The following CDCA8 variants were observed in gnomAD, a reference collection of about 807,000 sequenced individuals.
The protein encoded by CDCA8 is cell division cycle associated 8, also known as borealin.
A neutral mutation model predicts 40.0 loss-of-function variants in CDCA8; 25 were observed. The observed-to-expected ratio is 0.63, with a 90% CI of 0.46 to 0.87. CDCA8 has a LOEUF of 0.87. Among genes scored for constraint, CDCA8 ranks in the 40% least tolerant of loss-of-function variants. CDCA8 has a pLI of 0.00. For synonymous variants in CDCA8, 111 were observed against 126.5 expected, an observed-to-expected ratio of 0.88 and a Z score of 0.82; for missense variants, 280 against 348.4, an observed-to-expected ratio of 0.80 and a Z score of 1.56.
Position 37,705,562 on chromosome 1 carries a change from G to A in CDCA8, c.706G>A (p.Gly236Arg), listed in dbSNP as rs1040939534. Reference sequence around the variant, plus strand: ...CTTCCTCACTGTGCCAGTGGGCGGCGGAGAGGTGAAGTATTTCCAAGGGAA... The same window carrying A: ...CTTCCTCACTGTGCCAGTGGGCGGCAGAGAGGTGAAGTATTTCCAAGGGAA... ...EIFLTVPVGG[G>R]ESLRLLASDL... is the part of the protein sequence containing the mutation. The change falls in exon 8 of 10, where the codon GGA becomes AGA. Residue 236 changes from glycine (G) to arginine (R), a missense_variant. Physicochemically the swap from Gly to Arg is moderately radical, Grantham distance 125. Coordinates refer to ENST00000373055, the MANE Select transcript of CDCA8 (RefSeq NM_001256875.2). 1.7e-5 allele frequency: 27 copies of A among 1,612,820 alleles called. No individual in the cohort carries two copies. The highest frequency in any genetic ancestry group is 3.3e-5 in the Admixed American group (2 of 59,984).
intron 4 of CDCA8, among the ~76,000 whole-genome samples, chr1:37,700,233 C>G (rs1440272288): frequency 2.0e-5 from 3 of 152,134 alleles, no homozygotes; most frequent in Non-Finnish European, 4.4e-5. Flanking sequence ...CTGGGCTGTC[C>G]CTACAAAGCA....
At chr1:37,701,688 AAC>A in intron 5 of CDCA8, 64 bp from the exon 6 acceptor site, 1 of 1,059,694 alleles carries the variant, frequency 9.4e-7, no homozygotes, top group Non-Finnish European at 1.4e-6. Flanking sequence ...AAAAAAAAAA[AAC>A]CCTCCTTACC....
chr1:37,696,286 T>A lies in CDCA8; in HGVS notation c.264+336T>A, dbSNP rs572989705. 2.0e-5 allele frequency among the ~76,000 whole-genome samples: 3 copies of A among 152,258 alleles called. No individual in the cohort carries two copies. The East Asian group carries it at 5.8e-4, about 29-fold the overall frequency. ...GCTAGATGATAAAGGTGTTTCATCA[T>A]GTCGTACTGTAGAAGCAGTGCTTTT... On this transcript the variant is annotated intron_variant, in intron 3 of 9. Transcript: ENST00000373055. This position sits in a 1 kb window ranked among gnomAD's most constrained non-coding sequence, Gnocchi z 5.0.
At chr1:37,705,818 T>G (rs865776983) in intron 8 of CDCA8, among the ~76,000 whole-genome samples, 1,779 of 149,196 alleles carry the variant, frequency 0.012, 45 homozygotes, top group African/African-American at 0.042. Context: ...GGGTTTTTTT[T>G]TTTTTTTTTT....
rs755241952 is a variant in CDCA8 at position 37,692,817 on chromosome 1, C to T, written c.94+33C>T. On this transcript the variant is annotated intron_variant, in intron 1 of 9. Transcript: ENST00000373055. ...GCCAGGCCGTCGCGGCCTCCTGGGG[C>T]GGTCGCGGGATGCTGGCGGGTGGGG... is the stretch of plus-strand genomic sequence containing the variant. The T allele has an allele frequency of 8.1e-6, 13 of 1,612,244 alleles. No homozygotes were observed. In the African/African-American group the frequency reaches 1.5e-4, roughly 18 times the overall value.
At chr1:37,705,377 T>G in intron 7 of CDCA8, 64 bp from the exon 8 acceptor site, 2 of 1,508,802 alleles carry the variant, frequency 1.3e-6, no homozygotes, top group Non-Finnish European at 1.8e-6. Context: ...AAGGTTAAAA[T>G]GGCCTATAGA....
rs755681052 is a variant in CDCA8, at chr1:37,708,308, C to T, written c.799-14C>T. ...TGACATCTTCTACAATGACCTCTCTCCTTTTCTTTTTAGAACCGTCTCGCC... is the reference window on the plus strand; with the variant it reads ...TGACATCTTCTACAATGACCTCTCTTCTTTTCTTTTTAGAACCGTCTCGCC... On this transcript the variant is annotated splice_polypyrimidine_tract_variant and intron_variant, in intron 9 of 9. Coordinates refer to ENST00000373055, the MANE Select transcript of CDCA8 (RefSeq NM_001256875.2). 1.9e-6 allele frequency: 3 copies of T among 1,600,152 alleles called. No individual in the cohort carries two copies. Among genetic ancestry groups the T allele is most frequent in the Non-Finnish European group, 2.6e-6 (3 of 1,175,770 alleles).
At chr1:37,699,441 C>T (rs1326186951) in intron 4 of CDCA8, among the ~76,000 whole-genome samples, 2 of 152,114 alleles carry the variant, frequency 1.3e-5, no homozygotes, top group Non-Finnish European at 2.9e-5. Flanking sequence ...TTCAAAATTA[C>T]TCAATTCAGG....
Position 37,692,546 on chromosome 1 carries a change from A to G in CDCA8, c.-145A>G. The G allele has an allele frequency of 1.5e-6, 1 of 665,156 alleles. No individual in the cohort carries two copies. The highest frequency in any genetic ancestry group is 2.7e-6 in the Non-Finnish European group (1 of 364,086). The allele number at this position is 665,156 out of a possible 1,614,324, so 41.2% of individuals were successfully genotyped here. ...GCCGCTCTCTCTCACTGGCACAGCG[A>G]GGTTTTGCTCAGCCCTTGTCTCGGG... On this transcript the variant is annotated 5_prime_UTR_variant, in exon 1 of 10. Transcript: ENST00000373055.
intron 2 of CDCA8, among the ~76,000 whole-genome samples, chr1:37,693,695 G>A (rs1031186068): frequency 1.3e-5 from 2 of 151,872 alleles, no homozygotes; most frequent in African/African-American, 4.8e-5. Context: ...CACTGCGCCC[G>A]GCCAGAAAAT....
Position 37,705,542 on chromosome 1 carries a change from T to A in CDCA8, c.686T>A (p.Leu229His). ...SPLADSKEIF[L>H]TVPVGGGESL... ...CTTGCTGACAGCAAAGAGATCTTCC[T>A]CACTGTGCCAGTGGGCGGCGGAGAG... Residue 229 changes from leucine (L) to histidine (H), a missense_variant, in exon 8 of 10, where the codon CTC becomes CAC. Coordinates refer to ENST00000373055, the MANE Select transcript of CDCA8 (RefSeq NM_001256875.2). The A allele has an allele frequency of 6.2e-7, 1 of 1,613,688 alleles. No individual in the cohort carries two copies. Among genetic ancestry groups the A allele is most frequent in the Non-Finnish European group, 8.5e-7 (1 of 1,180,024 alleles).
chr1:37,703,204 C>A (rs769126758), intron 6 of CDCA8, 48 bp from the exon 7 acceptor site: 2 of 1,428,658 alleles, frequency 1.4e-6, no homozygotes, highest in Non-Finnish European at 2.0e-6. Flanking sequence ...CTGCTGCCTT[C>A]GTGGAACCTG....
chr1:37,706,764 A>G (rs976772416), intron 8 of CDCA8, among the ~76,000 whole-genome samples: 4 of 152,244 alleles, frequency 2.6e-5, no homozygotes, highest in African/African-American at 9.6e-5. Flanking sequence ...TTCTTAGATG[A>G]TGTGCGTGCC....
At chr1:37,708,229 G>C in intron 9 of CDCA8, 93 bp from the exon 10 acceptor site, 2 of 1,061,342 alleles carry the variant, frequency 1.9e-6, no homozygotes, top group Non-Finnish European at 2.9e-6. Context: ...GATACAGATA[G>C]AGAATGGAGG....
chr1:37,698,908 G>A lies in CDCA8; in HGVS notation c.268G>A (p.Asp90Asn), dbSNP rs748439582. 6.2e-7 allele frequency: 1 copy of A among 1,612,674 alleles called. No individual in the cohort carries two copies. Among genetic ancestry groups the A allele is most frequent in the South Asian group, 1.1e-5 (1 of 91,060 alleles). The stretch of plus-strand genomic sequence containing the variant: ...TTTCTGGCTATGTTTGTCATAGGCT[G>A]ACCTGGATATCACCGAAATAAACAA... Reference protein sequence around the residue: ...KQALEEAATADLDITEINKLT... With the variant: ...KQALEEAATANLDITEINKLT... Residue 90 changes from aspartate to asparagine, a missense_variant, in exon 4 of 10, where the codon GAC becomes AAC. Coordinates refer to ENST00000373055, the MANE Select transcript of CDCA8 (RefSeq NM_001256875.2).
chr1:37,702,468 T>C (rs982488574), intron 6 of CDCA8, among the ~76,000 whole-genome samples: 1 of 152,062 alleles, frequency 6.6e-6, no homozygotes, highest in African/African-American at 2.4e-5. Flanking sequence ...TGGGCTTGAG[T>C]TGATTATACT....
rs1645624040 is a variant in CDCA8 at position 37,709,357 on chromosome 1, G to T, written c.*991G>T. 6.6e-6 allele frequency: 1 copy of T among 152,216 alleles called. No individual in the cohort carries two copies. The highest frequency in any genetic ancestry group is 1.5e-5 in the Non-Finnish European group (1 of 68,064). The allele number at this position is 152,216 out of a possible 1,614,324, so 9.4% of individuals were successfully genotyped here. ...GTGGCCTCATTCCATGTGTGCCTGT[G>T]CCTGGGGCATGGACTTTGTTAAGCA... On this transcript the variant is annotated 3_prime_UTR_variant, in exon 10 of 10. Transcript: ENST00000373055.
chr1:37,698,826 A>G, intron 3 of CDCA8, 79 bp from the exon 4 acceptor site: 1 of 969,760 alleles, frequency 1.0e-6, no homozygotes, highest in African/African-American at 1.6e-5. Flanking sequence ...AATAGTTTTA[A>G]AAAAGTTTTT....
intron 6 of CDCA8, among the ~76,000 whole-genome samples, chr1:37,702,106 T>C (rs1254935835): frequency 6.9e-6 from 1 of 145,758 alleles, no homozygotes; most frequent in Non-Finnish European, 1.5e-5. Context: ...AATGGTGCAA[T>C]CTTGGCTCAC....
Sources: gnomAD v4.1 joint callset for allele counts (sites outside exome capture counted in the v4.1 genomes callset) on GRCh38, gnomAD v4.1.1 for gene constraint, Gnocchi (gnomAD v3.1) non-coding constraint, MANE v1.5 for transcripts, NCBI Gene and HGNC (gene_info 2026-07-23, HGNC 2026-07-21) for gene names.